RACK1: variants seen among roughly 807,000 people sequenced by gnomAD.
RACK1 encodes the protein small ribosomal subunit protein RACK1.
RACK1 carries 3 observed loss-of-function variants against 42.2 expected under a neutral mutation model. The ratio of observed to expected loss-of-function variants is 0.07; its 90% confidence interval spans 0.03 to 0.18. The LOEUF (loss-of-function observed/expected upper bound fraction) is 0.18. Among genes scored for constraint, RACK1 ranks in the 10% least tolerant of loss-of-function variants. The pLI is 1.00. For synonymous variants in RACK1, 181 were observed against 154.8 expected (o/e 1.17, Z -1.25); for missense variants, 146 against 403.2 (o/e 0.36, Z 5.46).
intron 3 of RACK1, 40 bp from the exon 4 acceptor site, chr5:181,239,622 T>G (rs1759265765): frequency 7.5e-7 from 1 of 1,335,302 alleles, no homozygotes; most frequent in African/African-American, 1.4e-5. Flanking sequence ...AACAGTCCTA[T>G]CCCATGAAAT....
chr5:181,238,392 G>C (rs1368924661), intron 5 of RACK1, 153 bp from the exon 6 acceptor site: 26 of 723,058 alleles, frequency 3.6e-5, no homozygotes, highest in Non-Finnish European at 5.5e-5. Context: ...ATTTATCTCT[G>C]TATACCTTTC....
At chr5:181,242,437 G>A in intron 1 of RACK1, 92 bp from the exon 2 acceptor site, 1 of 842,572 alleles carries the variant, frequency 1.2e-6, no homozygotes. Flanking sequence ...GTCATGAGTG[G>A]GTTAACAACA....
rs796856618 is a variant in RACK1 at position 181,237,015 on chromosome 5, G to A, written c.916C>T (p.Leu306=). ...QTLFAGYTDN[L]VRVWQVTIGT... ...ATGGTCACCTGCCACACTCGCACCA[G>A]GTTGTCCGTGTAGCCAGCAAACAGA... Residue 306 remains leucine, a synonymous_variant, in exon 8 of 8, where the codon CTG becomes TTG. Coordinates refer to ENST00000512805, the MANE Select transcript of RACK1 (RefSeq NM_006098.5). 9 of 1,614,080 alleles carry A rather than the reference G, an allele frequency of 5.6e-6. No homozygotes were observed. The African/African-American group carries it at 1.2e-4, about 22-fold the overall frequency.
At chr5:181,243,455 C>T (rs745791011) in intron 1 of RACK1, 93 of 1,495,858 alleles carry the variant, frequency 6.2e-5, no homozygotes, top group Non-Finnish European at 7.5e-5. Flanking sequence ...ACTCTCCAAC[C>T]CTCCTAGCAG....
rs961648388 is a variant in RACK1, at chr5:181,237,935, C to T, written c.777+164G>A. The T allele has an allele frequency of 1.7e-5, 12 of 711,528 alleles. No homozygotes were observed. The African/African-American group carries it at 1.8e-4, about 11-fold the overall frequency. 44.1% of individuals were successfully genotyped at this position (711,528 alleles called of 1,614,324 possible). On this transcript the variant is annotated intron_variant, in intron 6 of 7. Coordinates refer to ENST00000512805, the MANE Select transcript of RACK1 (RefSeq NM_006098.5). ...ATGCTGCTAAACATCCTGGAATGTA[C>T]AGGACTGCACACCACAACAGAGTTA...
chr5:181,242,213 C>G lies in RACK1; in HGVS notation c.242G>C (p.Gly81Ala). The G allele has an allele frequency of 1.2e-6, 2 of 1,613,958 alleles. No individual in the cohort carries two copies. Among genetic ancestry groups the G allele is most frequent in the Non-Finnish European group, 1.7e-6 (2 of 1,179,932 alleles). Residue 81 changes from glycine to alanine, a missense_variant, in exon 2 of 8, where the codon GGC (glycine) becomes GCC (alanine). Physicochemically the swap from Gly to Ala is moderately conservative, Grantham distance 60. Transcript: ENST00000512805. ...GAGGCGCAGGGTTCCATCCCAGGAG[C>G]CTGAGAGGGCAAACTGGCCATCTGA... ...ISSDGQFALS[G>A]SWDGTLRLWD... is the part of the protein sequence containing the mutation.
intron 5 of RACK1, chr5:181,238,828 A>C (rs2770999): frequency 6.0e-5 from 29 of 483,424 alleles, no homozygotes; most frequent in Middle Eastern, 5.7e-4. Flanking sequence ...AACAAACAAA[A>C]AAACAACAAA....
chr5:181,237,763 A>G, intron 6 of RACK1, 44 bp from the exon 7 acceptor site: 5 of 1,003,296 alleles, frequency 5.0e-6, no homozygotes, highest in Non-Finnish European at 6.1e-6. Flanking sequence ...ACCAATCAAG[A>G]GAGTCTCCTC....
chr5:181,239,982 G>A (rs1759278890), intron 3 of RACK1, among the ~76,000 whole-genome samples: 2 of 152,180 alleles, frequency 1.3e-5, no homozygotes, highest in East Asian at 1.9e-4. Context: ...GAAGCGAAGG[G>A]TGCAATGAGC....
rs747923720 is a variant in RACK1 at position 181,241,445 on chromosome 5, C to CAAAAAAAAAAAAAAAAAAA, written c.429+46_429+47insTTTTTTTTTTTTTTTTTTT. The CAAAAAAAAAAAAAAAAAAA allele has an allele frequency of 1.7e-5, 20 of 1,209,732 alleles. No homozygotes were observed. The African/African-American group carries it at 2.5e-4, about 15-fold the overall frequency. 74.9% of individuals were successfully genotyped at this position (1,209,732 alleles called of 1,614,324 possible). A position where few individuals can be genotyped will look rare whatever the true frequency, so the allele number is the denominator to read the frequency against. On this transcript the variant is annotated intron_variant, in intron 3 of 7. Transcript: ENST00000512805. ...TGTCGCCAAAAAAAAAAAAAAAAAG[C>CAAAAAAAAAAAAAAAAAAA]AAAGTTTAAGAGGGTGGAAGAGATC...
chr5:181,241,426 C>CAAAAAAAAAAAAAAAAAAAAAAAAAAA (rs57063983), intron 3 of RACK1, 66 bp downstream of exon 3: 10 of 1,074,530 alleles, frequency 9.3e-6, no homozygotes, highest in African/African-American at 5.6e-5. Flanking sequence ...AGACTGTCGC[C>CAAAAAAAAAAAAAAAAAAAAAAAAAAA]AAAAAAAAAA....
At chr5:181,239,441 G>T in intron 4 of RACK1, 46 bp downstream of exon 4, 2 of 1,375,324 alleles carry the variant, frequency 1.5e-6, no homozygotes, top group South Asian at 1.2e-5. Context: ...GACCACCTGG[G>T]AGCACACCCT....
At position 181,238,194 on chromosome 5, in the gene RACK1, A is replaced by G. The variant is rs1330048237; in HGVS notation, c.682T>C (p.Tyr228His). 6.2e-7 allele frequency: 1 copy of G among 1,614,138 alleles called. No individual in the cohort carries two copies. Among genetic ancestry groups the G allele is most frequent in the Non-Finnish European group, 8.5e-7 (1 of 1,180,026 alleles). Reference sequence around the variant, plus strand: ...ATGATGTCCCCACCATCTAGCGTGTAAAGGTGTTTGCCTTCGTTGAGATCC... The same window carrying G: ...ATGATGTCCCCACCATCTAGCGTGTGAAGGTGTTTGCCTTCGTTGAGATCC... ...LWDLNEGKHL[Y>H]TLDGGDIINA... is the part of the protein sequence containing the mutation. Residue 228 changes from tyrosine (Y) to histidine (H), a missense_variant, in exon 6 of 8, where the codon TAC (tyrosine) becomes CAC (histidine). Tyr to His is a moderately conservative substitution (Grantham distance 83, BLOSUM62 2). Coordinates refer to ENST00000512805, the MANE Select transcript of RACK1 (RefSeq NM_006098.5).
intron 1 of RACK1, 69 bp downstream of exon 1, chr5:181,243,623 T>C: frequency 6.5e-7 from 1 of 1,527,612 alleles, no homozygotes; most frequent in Admixed American, 2.0e-5. Context: ...ACACGCGGAA[T>C]TCCCTACACG....
At chr5:181,240,709 TTG>T (rs1286311254) in intron 3 of RACK1, among the ~76,000 whole-genome samples, 28 of 152,054 alleles carry the variant, frequency 1.8e-4, no homozygotes, top group African/African-American at 6.5e-4. Context: ...AAATAAAATT[TTG>T]TTTAAATAGA....
At position 181,237,029 on chromosome 5, in the gene RACK1, C is replaced by G; in HGVS notation, c.902G>C (p.Gly301Ala). 6.2e-7 allele frequency: 1 copy of G among 1,614,058 alleles called. No homozygotes were observed. Among genetic ancestry groups the G allele is most frequent in the Non-Finnish European group, 8.5e-7 (1 of 1,180,016 alleles). The change falls in exon 8 of 8, where the codon GGC becomes GCC. Residue 301 changes from glycine to alanine, a missense_variant. Physicochemically the swap from Gly to Ala is moderately conservative, Grantham distance 60 (BLOSUM62 0). Coordinates refer to ENST00000512805, the MANE Select transcript of RACK1 (RefSeq NM_006098.5). The part of the protein sequence containing the change: ...WSADGQTLFA[G>A]YTDNLVRVWQ... Reference sequence around the variant, plus strand: ...CACTCGCACCAGGTTGTCCGTGTAGCCAGCAAACAGAGTCTGCAGGGAAGA... The same window carrying G: ...CACTCGCACCAGGTTGTCCGTGTAGGCAGCAAACAGAGTCTGCAGGGAAGA...
intron 5 of RACK1, chr5:181,238,563 G>C (rs1469118872): frequency 2.9e-6 from 1 of 342,328 alleles, no homozygotes; most frequent in Non-Finnish European, 5.6e-6. Context: ...CCAGCACTTT[G>C]GGAAGCCGAG....
At chr5:181,241,426 C>CAAAAAAAAAAAAAAAAAAAAAA (rs57063983) in intron 3 of RACK1, 66 bp downstream of exon 3, 54 of 1,074,504 alleles carry the variant, frequency 5.0e-5, no homozygotes, top group South Asian at 1.3e-4. Flanking sequence ...AGACTGTCGC[C>CAAAAAAAAAAAAAAAAAAAAAA]AAAAAAAAAA....
intron 2 of RACK1, 102 bp from the exon 3 acceptor site, chr5:181,241,741 A>G (rs1759353120): frequency 7.8e-7 from 1 of 1,278,024 alleles, no homozygotes; most frequent in African/African-American, 1.5e-5. Context: ...CATCACTCAT[A>G]CAACCCTGGA....
Sources: allele counts gnomAD v4.1 joint callset (sites outside exome capture counted in the v4.1 genomes callset), GRCh38; gene constraint gnomAD v4.1.1; transcripts MANE v1.5; gene names NCBI Gene and HGNC (gene_info 2026-07-23, HGNC 2026-07-21).